RSF1: variants seen among roughly 807,000 people sequenced by gnomAD.
RSF1 encodes the protein HBV pX-associated protein 8.
RSF1 carries 13 observed loss-of-function variants against 145.2 expected under a neutral mutation model. The ratio of observed to expected loss-of-function variants is 0.09; its 90% confidence interval spans 0.06 to 0.14. The LOEUF is 0.14. RSF1 is among the 10% of genes least tolerant of loss of function. RSF1 has a pLI of 1.00. For synonymous variants in RSF1, 577 were observed against 592.6 expected (o/e 0.97, Z 0.38); for missense variants, 1,517 against 1,718.2 (o/e 0.88, Z 2.07).
At chr11:77,756,269 A>G (rs1188264786) in intron 2 of RSF1, among the ~76,000 whole-genome samples, 1 of 151,092 alleles carries the variant, frequency 6.6e-6, no homozygotes, top group Non-Finnish European at 1.5e-5. Context: ...GAGGCAGGAG[A>G]GTCCCTTGAA....
intron 1 of RSF1, among the ~76,000 whole-genome samples, chr11:77,765,552 TA>T (rs1948217025): frequency 6.6e-6 from 1 of 152,214 alleles, no homozygotes; most frequent in Admixed American, 6.5e-5. Context: ...TCTTATTCTC[TA>T]GTTTCAATGA....
intron 8 of RSF1, among the ~76,000 whole-genome samples, chr11:77,692,618 ATCC>A (rs1054448262): frequency 9.9e-5 from 15 of 150,842 alleles, no homozygotes; most frequent in African/African-American, 2.7e-4. Flanking sequence ...GCCTTTAGTG[ATCC>A]TCCTGCCTCA....
chr11:77,713,765 C>T (rs965220844), intron 5 of RSF1, among the ~76,000 whole-genome samples: 1 of 152,106 alleles, frequency 6.6e-6, no homozygotes, highest in South Asian at 2.1e-4. Context: ...TGTTTGTTGA[C>T]TCAGATGTTT....
At position 77,776,850 on chromosome 11, in the gene RSF1, T is replaced by C. The variant is rs573978005; in HGVS notation, c.188-12161A>G. Among the ~76,000 whole-genome samples the C allele has an allele frequency of 4.6e-5, 7 of 152,350 alleles. No individual in the cohort carries two copies. The South Asian group carries it at 1.4e-3, about 32-fold the overall frequency. ...AGACTTCTAAAGGAACTGTTTTCTC[T>C]ATGTGAACATTTGCAAACTGGTAAT... On this transcript the variant is annotated intron_variant, in intron 1 of 15. Coordinates refer to ENST00000308488, the MANE Select transcript of RSF1 (RefSeq NM_016578.4).
chr11:77,796,444 T>C (rs776714802), intron 1 of RSF1, among the ~76,000 whole-genome samples: 35 of 152,260 alleles, frequency 2.3e-4, no homozygotes, highest in Non-Finnish European at 4.4e-4. Context: ...GAAAAGGCCT[T>C]TGACAAAATT....
At chr11:77,820,947 C>T, upstream of RSF1, 2 of 555,266 alleles carry the variant, frequency 3.6e-6, no homozygotes, top group Non-Finnish European at 6.3e-6. Flanking sequence ...ACTTTCCGCC[C>T]TCTTTCCGCC....
intron 4 of RSF1, among the ~76,000 whole-genome samples, chr11:77,729,185 A>AACACTTGG (rs1166340017): frequency 6.6e-6 from 1 of 152,188 alleles, no homozygotes; most frequent in Non-Finnish European, 1.5e-5. Flanking sequence ...ACCAAACACT[A>AACACTTGG]ACACTTGGTT....
chr11:77,821,782 T>C (rs1188083396), upstream of RSF1, among the ~76,000 whole-genome samples: 1 of 152,052 alleles, frequency 6.6e-6, no homozygotes. Flanking sequence ...CTACCAATAA[T>C]GTAAAATAGA....
chr11:77,835,986 G>C, the RSF1 span, among the ~76,000 whole-genome samples: 1 of 152,264 alleles, frequency 6.6e-6, no homozygotes, highest in Admixed American at 6.5e-5. Flanking sequence ...ATGCTGTAGA[G>C]TCAGACAGAC....
the RSF1 span, among the ~76,000 whole-genome samples, chr11:77,861,827 C>T: frequency 1.6e-3 from 251 of 152,200 alleles, no homozygotes; most frequent in African/African-American, 5.8e-3. Context: ...CTGCCTGCTC[C>T]TCCTGATCTC....
chr11:77,823,544 A>G (rs1949029190), upstream of RSF1, among the ~76,000 whole-genome samples: 1 of 144,916 alleles, frequency 6.9e-6, no homozygotes, highest in African/African-American at 2.6e-5. Context: ...AGCCTGGGCA[A>G]GGTAGTGAGA....
intron 1 of RSF1, among the ~76,000 whole-genome samples, chr11:77,788,185 TAAA>T: frequency 1.9e-5 from 1 of 52,992 alleles, no homozygotes; most frequent in East Asian, 4.2e-4. Flanking sequence ...AAATTAGGGG[TAAA>T]AAAAAAAAAG....
chr11:77,805,948 C>T (rs1189554597), intron 1 of RSF1, among the ~76,000 whole-genome samples: 1 of 152,228 alleles, frequency 6.6e-6, no homozygotes. Context: ...ACTCAAAACA[C>T]TTTGCATCAA....
intron 5 of RSF1, chr11:77,717,832 A>G (rs1960852042): frequency 6.6e-6 from 1 of 152,266 alleles, no homozygotes; most frequent in African/African-American, 2.4e-5. Flanking sequence ...TATGAGTAAC[A>G]TCATAAATAT....
intron 2 of RSF1, among the ~76,000 whole-genome samples, chr11:77,752,736 T>A (rs927730029): frequency 6.6e-6 from 1 of 152,118 alleles, no homozygotes; most frequent in Non-Finnish European, 1.5e-5. Flanking sequence ...TCATCTTGAA[T>A]AGGGGCTGAG....
chr11:77,772,707 G>GT (rs1322385632), intron 1 of RSF1, among the ~76,000 whole-genome samples: 3 of 152,008 alleles, frequency 2.0e-5, no homozygotes, highest in African/African-American at 7.3e-5. Context: ...AGGTATTGAG[G>GT]TATTTATTTA....
At chr11:77,819,408 A>G (rs1388104384) in intron 1 of RSF1, among the ~76,000 whole-genome samples, 1 of 152,230 alleles carries the variant, frequency 6.6e-6, no homozygotes, top group Non-Finnish European at 1.5e-5. Context: ...CTCAGTGTGA[A>G]GGCTGGAGGC....
At chr11:77,795,757 T>C (rs967665274) in intron 1 of RSF1, among the ~76,000 whole-genome samples, 2 of 152,124 alleles carry the variant, frequency 1.3e-5, no homozygotes, top group Admixed American at 6.5e-5. Flanking sequence ...GTAGAAAACA[T>C]AGGGAAAACT....
intron 1 of RSF1, among the ~76,000 whole-genome samples, chr11:77,778,666 G>C (rs1329185269): frequency 6.6e-6 from 1 of 152,118 alleles, no homozygotes; most frequent in Non-Finnish European, 1.5e-5. Flanking sequence ...ATTTTTAGCA[G>C]AGATGAGTCT....
Sources: gnomAD v4.1 joint callset for allele counts (sites outside exome capture counted in the v4.1 genomes callset) on GRCh38, gnomAD v4.1.1 for gene constraint, MANE v1.5 for transcripts, NCBI Gene and HGNC (gene_info 2026-07-23, HGNC 2026-07-21) for gene names.